The following BANK1 variants were observed in gnomAD, a reference collection of about 807,000 sequenced individuals.
BANK1 encodes the protein B cell scaffold protein with ankyrin repeats 1, also known as B-cell scaffold protein with ankyrin repeats.
A neutral mutation model predicts 94.5 loss-of-function variants in BANK1; 95 were observed. That is an observed-to-expected ratio of 1.00 (90% CI 0.85 to 1.19). The LOEUF is 1.19. BANK1 is among the 50% of genes most tolerant of loss of function. BANK1 has a pLI of 0.00. For missense variants in BANK1, 987 were observed against 932.2 expected, an observed-to-expected ratio of 1.06 and a Z score of -0.77; for synonymous variants, 334 against 308.4, an observed-to-expected ratio of 1.08 and a Z score of -0.87.
chr4:101,955,678 T>A (rs1273755029), intron 7 of BANK1, among the ~76,000 whole-genome samples: 1 of 152,218 alleles, frequency 6.6e-6, no homozygotes, highest in Non-Finnish European at 1.5e-5. Context: ...TTAAAATTAT[T>A]GATATAAGAT....
Position 101,833,905 on chromosome 4 carries a change from CT to C in BANK1, c.469+3705del, listed in dbSNP as rs1726721554. On this transcript the variant is annotated intron_variant, in intron 2 of 16. Coordinates refer to ENST00000322953, the MANE Select transcript of BANK1 (RefSeq NM_017935.5). ...TTTAGTATTCCTCAAGTATATTAAA[CT>C]TTTTTGACTGAAAAGAAAAAAGTGT... Among the ~76,000 whole-genome samples, 2 of 151,978 alleles carry C rather than the reference CT, an allele frequency of 1.3e-5. 1 individual carries two copies. The highest frequency in any genetic ancestry group is 4.1e-4 in the South Asian group (2 of 4,826).
At chr4:101,991,030 C>A (rs749708144) in intron 7 of BANK1, among the ~76,000 whole-genome samples, 23 of 152,142 alleles carry the variant, frequency 1.5e-4, no homozygotes, top group South Asian at 4.1e-4. Context: ...TGGGAGTTTT[C>A]ATGTATTAGG....
Position 101,920,613 on chromosome 4 carries a change from A to C in BANK1, c.1206+2424A>C, listed in dbSNP as rs1040623571. Among the ~76,000 whole-genome samples, 3 of 152,074 alleles carry C rather than the reference A, an allele frequency of 2.0e-5. No homozygotes were observed. In the South Asian group the frequency reaches 6.2e-4, roughly 31 times the overall value. ...TAGTTTAAAGGAGCAGATATTTTTA[A>C]GTTTGAGGTTTACAATCTACTAGTG... On this transcript the variant is annotated intron_variant, in intron 7 of 16. Coordinates refer to ENST00000322953, the MANE Select transcript of BANK1 (RefSeq NM_017935.5).
intron 3 of BANK1, among the ~76,000 whole-genome samples, chr4:101,861,612 G>T (rs573118001): frequency 6.6e-6 from 1 of 151,956 alleles, no homozygotes; most frequent in African/African-American, 2.4e-5. Context: ...CTGTATATTA[G>T]TTGTCCTTTT....
chr4:102,029,771 C>T (rs1253471035), intron 9 of BANK1, among the ~76,000 whole-genome samples, 189 bp from the exon 10 acceptor site: 1 of 151,998 alleles, frequency 6.6e-6, no homozygotes, highest in African/African-American at 2.4e-5. Context: ...GTAAGTTACA[C>T]AGCTCACTTT....
At position 101,930,544 on chromosome 4, in the gene BANK1, T is replaced by G. The variant is rs1396128084; in HGVS notation, c.1206+12355T>G. ...TCGCCAGTGAAATATCAGATAGTAG[T>G]TAAGTACTCTGGAAAAAAATAACAT... is the stretch of plus-strand genomic sequence containing the variant. On this transcript the variant is annotated intron_variant, in intron 7 of 16. Coordinates refer to ENST00000322953, the MANE Select transcript of BANK1 (RefSeq NM_017935.5). Among the ~76,000 whole-genome samples, 5 of 151,444 alleles carry G rather than the reference T, an allele frequency of 3.3e-5. No individual in the cohort carries two copies. In the East Asian group the frequency reaches 9.8e-4, roughly 30 times the overall value.
intron 1 of BANK1, among the ~76,000 whole-genome samples, chr4:101,813,374 T>A (rs752135943): frequency 5.6e-4 from 85 of 152,350 alleles, no homozygotes; most frequent in Non-Finnish European, 5.1e-4. Context: ...ATTTTCTTTT[T>A]TCACATTAGC....
intron 13 of BANK1, 103 bp from the exon 14 acceptor site, chr4:102,071,172 C>A (rs981780067): frequency 7.7e-7 from 1 of 1,298,424 alleles, no homozygotes; most frequent in Non-Finnish European, 1.1e-6. Flanking sequence ...TTCATAGCAA[C>A]CTCAAAGACA....
intron 7 of BANK1, among the ~76,000 whole-genome samples, chr4:101,926,233 A>AGAATATTCATC (rs1723147643): frequency 6.6e-6 from 1 of 151,714 alleles, no homozygotes; most frequent in African/African-American, 2.4e-5. Context: ...TGAAAAAACA[A>AGAATATTCATC]GAATATTCAT....
chr4:101,998,717 A>C (rs1342689489), intron 7 of BANK1, among the ~76,000 whole-genome samples: 1 of 152,182 alleles, frequency 6.6e-6, no homozygotes, highest in African/African-American at 2.4e-5. Flanking sequence ...ATTTTATCAG[A>C]GAATCCTCTC....
At chr4:101,851,957 T>C (rs1361801116) in intron 2 of BANK1, among the ~76,000 whole-genome samples, 7 of 152,192 alleles carry the variant, frequency 4.6e-5, no homozygotes, top group African/African-American at 1.2e-4. Context: ...CTTCTTCTGC[T>C]CTTTGAATTT....
intron 1 of BANK1, among the ~76,000 whole-genome samples, chr4:101,825,349 A>T (rs774631890): frequency 6.6e-6 from 1 of 152,164 alleles, no homozygotes; most frequent in South Asian, 2.1e-4. Context: ...CCACTGGGCT[A>T]CTTTTGAGAA....
At chr4:101,854,853 A>G (rs1201988203) in intron 2 of BANK1, among the ~76,000 whole-genome samples, 182 bp from the exon 3 acceptor site, 1 of 152,150 alleles carries the variant, frequency 6.6e-6, no homozygotes, top group Non-Finnish European at 1.5e-5. Flanking sequence ...AGATTATAAA[A>G]CTAGTTAAAT....
intron 2 of BANK1, among the ~76,000 whole-genome samples, chr4:101,834,988 A>C (rs1020851798): frequency 6.6e-6 from 1 of 152,168 alleles, no homozygotes. Context: ...CTTTAAAGGA[A>C]TTAAGAAAAC....
In BANK1 at chr4:101,862,513, T is replaced by C. The variant is rs1214165933; in HGVS notation, c.625-13T>C. 1 of 1,590,772 alleles carries C rather than the reference T, an allele frequency of 6.3e-7. No homozygotes were observed. The highest frequency in any genetic ancestry group is 8.5e-7 in the Non-Finnish European group (1 of 1,171,054). On this transcript the variant is annotated splice_polypyrimidine_tract_variant and intron_variant, in intron 3 of 16. Transcript: ENST00000322953. ...TTCCAAATGCTTAAATGGGTTACAT[T>C]TTCATCTTACAGAATCCTGGTGAAA...
At chr4:101,914,020 C>G (rs1389608835) in intron 6 of BANK1, among the ~76,000 whole-genome samples, 1 of 152,136 alleles carries the variant, frequency 6.6e-6, no homozygotes. Flanking sequence ...GAATTTCTAT[C>G]AAAAATTTTC....
intron 7 of BANK1, among the ~76,000 whole-genome samples, chr4:102,016,606 T>C (rs1265406669): frequency 1.3e-5 from 2 of 152,214 alleles, no homozygotes; most frequent in African/African-American, 4.8e-5. Context: ...ATTTCCATCA[T>C]CAGGGTCACC....
At chr4:101,823,472 C>T (rs1578338102) in intron 1 of BANK1, among the ~76,000 whole-genome samples, 2 of 152,296 alleles carry the variant, frequency 1.3e-5, no homozygotes, top group Non-Finnish European at 1.5e-5. Flanking sequence ...TTTCCTGACT[C>T]CTATTGGCCA....
In BANK1 at chr4:102,060,281, C is replaced by G. The variant is rs766776635; in HGVS notation, c.2040C>G (p.Leu680=). ...GTCTAACTGATGGTCAGGAAGAACT[C>G]ATCCTCCTGCAGGAGAAAGTAAAGA... ...RGCLTDGQEE[L]ILLQEKVKNG... The change falls in exon 12 of 17, where the codon CTC becomes CTG. Residue 680 remains leucine (L), a synonymous_variant. Coordinates refer to ENST00000322953, the MANE Select transcript of BANK1 (RefSeq NM_017935.5). The G allele has an allele frequency of 1.2e-6, 2 of 1,610,064 alleles. No individual in the cohort carries two copies. The highest frequency in any genetic ancestry group is 1.7e-6 in the Non-Finnish European group (2 of 1,178,586).
Sources: gnomAD v4.1 joint callset for allele counts (sites outside exome capture counted in the v4.1 genomes callset) on GRCh38, gnomAD v4.1.1 for gene constraint, MANE v1.5 for transcripts, NCBI Gene and HGNC (gene_info 2026-07-23, HGNC 2026-07-21) for gene names.